IGF1: variants seen among roughly 807,000 people sequenced by gnomAD.
The protein encoded by IGF1 is insulin like growth factor 1.
A neutral mutation model predicts 13.8 loss-of-function variants in IGF1; 4 were observed. The ratio of observed to expected loss-of-function variants is 0.29; its 90% CI spans 0.14 to 0.66. The LOEUF (loss-of-function observed/expected upper bound fraction) is 0.66, where lower values mean the gene tolerates loss of function less well. Ranked by LOEUF, IGF1 falls within the 30% of genes least tolerant of loss-of-function variation. IGF1 has a pLI of 0.78. For missense variants in IGF1, 124 were observed against 188.5 expected, an observed-to-expected ratio of 0.66 and a Z score of 2.00; for synonymous variants, 76 against 72.6, an observed-to-expected ratio of 1.05 and a Z score of -0.23.
chr12:102,444,091 T>C (rs1253890399), intron 2 of IGF1, among the ~76,000 whole-genome samples: 1 of 151,930 alleles, frequency 6.6e-6, no homozygotes, highest in Non-Finnish European at 1.5e-5. Flanking sequence ...CCTCTCAAAG[T>C]GCTGAGATTA....
chr12:102,414,968 G>A (rs556971955), intron 3 of IGF1, among the ~76,000 whole-genome samples: 3 of 152,174 alleles, frequency 2.0e-5, no homozygotes, highest in Non-Finnish European at 4.4e-5. Context: ...GAAACATTAA[G>A]GGGAGTAATA....
At chr12:102,403,272 A>G (rs943798232) in intron 3 of IGF1, among the ~76,000 whole-genome samples, 9 of 152,202 alleles carry the variant, frequency 5.9e-5, no homozygotes, top group African/African-American at 1.7e-4. Flanking sequence ...AAGTACTTAC[A>G]ATAGACCTGG....
intron 2 of IGF1, among the ~76,000 whole-genome samples, chr12:102,446,345 C>T (rs899308132): frequency 6.6e-6 from 1 of 152,132 alleles, no homozygotes; most frequent in African/African-American, 2.4e-5. Context: ...ATGCATCCAT[C>T]TGGTCCTGGG....
chr12:102,477,022 C>T (rs1051610918), intron 1 of IGF1, among the ~76,000 whole-genome samples: 12 of 152,024 alleles, frequency 7.9e-5, no homozygotes, highest in African/African-American at 1.9e-4. Context: ...AGGTGAGGGG[C>T]GCTATTAAAA....
intron 2 of IGF1, among the ~76,000 whole-genome samples, chr12:102,459,354 T>A (rs1879710372): frequency 6.6e-6 from 1 of 152,124 alleles, no homozygotes. Context: ...GAAAGATTAA[T>A]CTCATGGGTG....
intron 2 of IGF1, among the ~76,000 whole-genome samples, 170 bp downstream of exon 2, chr12:102,475,473 A>G (rs1284957608): frequency 6.6e-6 from 1 of 152,104 alleles, no homozygotes; most frequent in African/African-American, 2.4e-5. Context: ...AAAACCTGCC[A>G]AAGTCCCGCC....
At chr12:102,428,505 A>C (rs1284556093) in intron 2 of IGF1, among the ~76,000 whole-genome samples, 1 of 152,008 alleles carries the variant, frequency 6.6e-6, no homozygotes, top group Non-Finnish European at 1.5e-5. Context: ...GGGCACAAAG[A>C]GCCCTTTAGA....
chr12:102,405,076 G>GCTTTCTTTCTTT (rs34097393), intron 3 of IGF1, among the ~76,000 whole-genome samples: 5 of 146,382 alleles, frequency 3.4e-5, no homozygotes, highest in South Asian at 4.4e-4. Context: ...ATTGGGTTCT[G>GCTTTCTTTCTTT]CTTTCTTTCT....
chr12:102,412,392 A>C lies in IGF1; in HGVS notation c.402+7117T>G, dbSNP rs1280792546. On this transcript the variant is annotated intron_variant, in intron 3 of 3. Coordinates refer to ENST00000337514, the MANE Select transcript of IGF1 (RefSeq NM_000618.5). ...CAACAATGCTAGAACACAAAGGTGC[A>C]CACACACACACGCGCACACACACAC... is the stretch of plus-strand genomic sequence containing the variant. Among the ~76,000 whole-genome samples, 6 of 151,966 alleles carry C rather than the reference A, an allele frequency of 3.9e-5. No homozygotes were observed. The East Asian group carries it at 1.2e-3, about 29-fold the overall frequency.
intron 2 of IGF1, among the ~76,000 whole-genome samples, chr12:102,438,444 CAG>C (rs1306956071): frequency 6.6e-6 from 1 of 152,178 alleles, no homozygotes; most frequent in Non-Finnish European, 1.5e-5. Context: ...TCTTATTTTG[CAG>C]AGTCTTAAAG....
upstream of IGF1, among the ~76,000 whole-genome samples, chr12:102,481,253 G>C (rs567129592): frequency 6.6e-5 from 10 of 152,158 alleles, no homozygotes; most frequent in African/African-American, 2.4e-4. Context: ...TAGGCTGCCT[G>C]TCACTGTCCC....
At chr12:102,463,276 A>G (rs1012849233) in intron 2 of IGF1, 2 of 152,222 alleles carry the variant, frequency 1.3e-5, no homozygotes, top group African/African-American at 2.4e-5. Flanking sequence ...AAATATGTCT[A>G]TGAACGGCTG....
chr12:102,431,665 A>T (rs1307374619), intron 2 of IGF1, among the ~76,000 whole-genome samples: 1 of 152,076 alleles, frequency 6.6e-6, no homozygotes, highest in Non-Finnish European at 1.5e-5. Flanking sequence ...GTGATGAAGA[A>T]CTCTGAAGTT....
chr12:102,461,321 C>G (rs1049639119), intron 2 of IGF1, among the ~76,000 whole-genome samples: 2 of 152,106 alleles, frequency 1.3e-5, no homozygotes, highest in Non-Finnish European at 1.5e-5. Flanking sequence ...CGTAAAGACC[C>G]GAAGCCAGCT....
At chr12:102,470,746 A>G (rs1207909216) in intron 2 of IGF1, among the ~76,000 whole-genome samples, 4 of 152,170 alleles carry the variant, frequency 2.6e-5, no homozygotes, top group South Asian at 4.1e-4. Flanking sequence ...ACTCAAAACA[A>G]TGCTAATGGT....
At chr12:102,480,625 G>T (rs971279746), upstream of IGF1, 134 of 1,353,288 alleles carry the variant, frequency 9.9e-5, no homozygotes, top group Non-Finnish European at 1.2e-4. Context: ...ACAGGAAACA[G>T]CTGGGGGAAC....
chr12:102,423,465 T>C (rs906950614), intron 2 of IGF1, among the ~76,000 whole-genome samples: 1 of 152,148 alleles, frequency 6.6e-6, no homozygotes, highest in African/African-American at 2.4e-5. Context: ...TATATTTATT[T>C]TGTCAGTTTT....
At position 102,427,626 on chromosome 12, in the gene IGF1, T is replaced by G. The variant is rs372895593; in HGVS notation, c.221-7936A>C. On this transcript the variant is annotated intron_variant, in intron 2 of 3. Transcript: ENST00000337514. ...GGAGTGACATGGCCAGGATGGCAGG[T>G]GAAGGGGTGGCGGCTGCCAGGGCAG... Among the ~76,000 whole-genome samples, 17 of 151,872 alleles carry G rather than the reference T, an allele frequency of 1.1e-4. 1 individual carries two copies. The highest frequency in any genetic ancestry group is 2.0e-4 in the Admixed American group (3 of 15,268).
chr12:102,445,043 T>C (rs1878192365), intron 2 of IGF1, among the ~76,000 whole-genome samples: 1 of 152,016 alleles, frequency 6.6e-6, no homozygotes, highest in East Asian at 1.9e-4. Flanking sequence ...GTTCAGGTGG[T>C]TGTAGATGTG....
Sources: allele counts gnomAD v4.1 joint callset (sites outside exome capture counted in the v4.1 genomes callset), GRCh38; gene constraint gnomAD v4.1.1; transcripts MANE v1.5; gene names NCBI Gene and HGNC (gene_info 2026-07-23, HGNC 2026-07-21).